DNAAF11: variants seen among roughly 807,000 people sequenced by gnomAD.
The protein encoded by DNAAF11 is dynein axonemal assembly factor 11.
In DNAAF11, 45 loss-of-function variants were observed where a neutral mutation model predicts 60.8. That is an observed-to-expected ratio of 0.74 (90% CI 0.58 to 0.95). DNAAF11 has a LOEUF of 0.95. Ranked by LOEUF, DNAAF11 falls within the 40% of genes least tolerant of loss-of-function variation. DNAAF11 has a pLI of 0.00. For missense variants in DNAAF11, 546 were observed against 546.2 expected (o/e 1.00, Z 0.00); for synonymous variants, 191 against 183.5 (o/e 1.04, Z -0.33).
intron 8 of DNAAF11, 111 bp from the exon 9 acceptor site, chr8:132,611,474 T>C: frequency 1.7e-6 from 1 of 574,176 alleles, no homozygotes; most frequent in Admixed American, 2.9e-5. Flanking sequence ...GCGTTTAAAA[T>C]ATCCATGCAA....
chr8:132,673,793 GTAACCAC>G lies in DNAAF11; in HGVS notation c.10+1684_10+1690del, dbSNP rs1235348285. On this transcript the variant is annotated intron_variant, in intron 1 of 11. Transcript: ENST00000620350. ...ACAGGCACCCCTCTCTCTCCTGGCT[GTAACCAC>G]TATACTTCTGTTTGTCTTCTCCCTC... is the stretch of plus-strand genomic sequence containing the variant. Among the ~76,000 whole-genome samples, 9 of 152,290 alleles carry G rather than the reference GTAACCAC, an allele frequency of 5.9e-5. No homozygotes were observed. The South Asian group carries it at 8.3e-4, about 14-fold the overall frequency.
At chr8:132,580,701 A>G (rs1815235822) in intron 11 of DNAAF11, among the ~76,000 whole-genome samples, 1 of 152,236 alleles carries the variant, frequency 6.6e-6, no homozygotes, top group South Asian at 2.1e-4. Context: ...CAGATACCAA[A>G]TAAGATCAAA....
intron 8 of DNAAF11, among the ~76,000 whole-genome samples, chr8:132,613,214 T>G (rs1381492567): frequency 6.6e-6 from 1 of 152,046 alleles, no homozygotes; most frequent in African/African-American, 2.4e-5. Flanking sequence ...GACAGCTTGG[T>G]GTGGAGAGGA....
At chr8:132,695,926 T>A in the DNAAF11 span, among the ~76,000 whole-genome samples, 2 of 152,238 alleles carry the variant, frequency 1.3e-5, no homozygotes, top group African/African-American at 2.4e-5. Flanking sequence ...AATATATGAT[T>A]GAGGATAAGT....
chr8:132,671,321 C>G (rs941319020), intron 1 of DNAAF11, among the ~76,000 whole-genome samples: 2 of 152,104 alleles, frequency 1.3e-5, no homozygotes, highest in African/African-American at 4.8e-5. Flanking sequence ...AGAGATAAAT[C>G]AGAAAAATAT....
chr8:132,617,589 A>C (rs868694907), intron 7 of DNAAF11, among the ~76,000 whole-genome samples: 143 of 152,214 alleles, frequency 9.4e-4, no homozygotes, highest in African/African-American at 3.2e-3. Context: ...TTGTCTGCAA[A>C]TTTTCCTAAT....
At chr8:132,598,647 C>T (rs756277927) in intron 10 of DNAAF11, among the ~76,000 whole-genome samples, 1 of 152,098 alleles carries the variant, frequency 6.6e-6, no homozygotes, top group Non-Finnish European at 1.5e-5. Flanking sequence ...TGTAAAAACC[C>T]TAAGTATAAA....
At chr8:132,641,665 T>G (rs920548364) in intron 3 of DNAAF11, among the ~76,000 whole-genome samples, 4 of 152,134 alleles carry the variant, frequency 2.6e-5, no homozygotes, top group Non-Finnish European at 4.4e-5. Flanking sequence ...ACAGACAACT[T>G]TAAAGATAAT....
chr8:132,637,333 C>T (rs1163738409), intron 4 of DNAAF11, among the ~76,000 whole-genome samples: 2 of 152,200 alleles, frequency 1.3e-5, no homozygotes, highest in African/African-American at 4.8e-5. Context: ...CTGCCGGGCA[C>T]GGTGGCTCAT....
At position 132,647,880 on chromosome 8, in the gene DNAAF11, C is replaced by T. The variant is rs1213529616; in HGVS notation, c.256+8950G>A. Among the ~76,000 whole-genome samples, 3 of 151,776 alleles carry T rather than the reference C, an allele frequency of 2.0e-5. No homozygotes were observed. The East Asian group carries it at 5.8e-4, about 29-fold the overall frequency. The stretch of plus-strand genomic sequence containing the variant: ...ATTGAGGCAGTAATAGCCTAAAAAC[C>T]AAAAAAAGTCCAGGACCAGATGGAT... On this transcript the variant is annotated intron_variant, in intron 3 of 11. Transcript: ENST00000620350.
At chr8:132,602,566 G>A (rs56801380) in intron 10 of DNAAF11, among the ~76,000 whole-genome samples, 10,658 of 151,876 alleles carry the variant, frequency 0.07, 1,003 homozygotes, top group African/African-American at 0.21. Flanking sequence ...GTGTTTTACA[G>A]TCTGTTTCTA....
intron 11 of DNAAF11, among the ~76,000 whole-genome samples, chr8:132,579,359 G>A (rs751451666): frequency 7.2e-5 from 11 of 152,224 alleles, no homozygotes; most frequent in East Asian, 3.9e-4. Flanking sequence ...AACAGAAACC[G>A]CAGGGGGCTC....
chr8:132,575,872 G>A (rs1008161086), intron 11 of DNAAF11, among the ~76,000 whole-genome samples: 1 of 152,190 alleles, frequency 6.6e-6, no homozygotes, highest in African/African-American at 2.4e-5. Flanking sequence ...GGCTGGGTAA[G>A]TGAGGGAAGC....
chr8:132,696,908 G>A, the DNAAF11 span, among the ~76,000 whole-genome samples: 4 of 152,128 alleles, frequency 2.6e-5, no homozygotes, highest in African/African-American at 9.7e-5. Context: ...GGTGGGAGGA[G>A]GGAGAGGAGC....
the DNAAF11 span, among the ~76,000 whole-genome samples, chr8:132,697,791 C>T: frequency 3.3e-5 from 5 of 152,002 alleles, no homozygotes; most frequent in Non-Finnish European, 5.9e-5. Flanking sequence ...AGTATTTGCA[C>T]GTAGAAGCAG....
At chr8:132,610,099 G>T in intron 10 of DNAAF11, 67 bp downstream of exon 10, 2 of 1,116,154 alleles carry the variant, frequency 1.8e-6, no homozygotes, top group South Asian at 1.3e-5. Context: ...CATTAGTCCT[G>T]ACAGGTCAAG....
chr8:132,591,145 T>C (rs1481913385), intron 10 of DNAAF11, among the ~76,000 whole-genome samples: 2 of 152,220 alleles, frequency 1.3e-5, no homozygotes, highest in Non-Finnish European at 2.9e-5. Flanking sequence ...AGGCTTGATA[T>C]GTGTCAATAA....
chr8:132,684,334 A>G, the DNAAF11 span, among the ~76,000 whole-genome samples: 6 of 152,226 alleles, frequency 3.9e-5, no homozygotes, highest in African/African-American at 1.2e-4. Flanking sequence ...TTACTCTCCT[A>G]GCACCAATGT....
chr8:132,678,118 A>G (rs1825815064), upstream of DNAAF11, among the ~76,000 whole-genome samples: 1 of 139,828 alleles, frequency 7.2e-6, no homozygotes, highest in Admixed American at 6.6e-5. Context: ...AAGAAAATAA[A>G]CTTTCTATCT....
Sources: gnomAD v4.1 joint callset for allele counts (sites outside exome capture counted in the v4.1 genomes callset) on GRCh38, gnomAD v4.1.1 for gene constraint, MANE v1.5 for transcripts, NCBI Gene and HGNC (gene_info 2026-07-23, HGNC 2026-07-21) for gene names.